Variants in UGT1A4 observed in about 807,000 individuals in gnomAD.
UGT1A4 encodes the protein UDP glucuronosyltransferase family 1 member A4.
A neutral mutation model predicts 41.1 loss-of-function variants in UGT1A4; 32 were observed. The observed-to-expected ratio is 0.78, with a 90% CI of 0.59 to 1.05. The LOEUF (loss-of-function observed/expected upper bound fraction) is 1.05, where lower values mean the gene tolerates loss of function less well. UGT1A4 is among the 50% of genes least tolerant of loss of function. UGT1A4 has a pLI of 0.00. For synonymous variants in UGT1A4, 283 were observed against 265.1 expected, an observed-to-expected ratio of 1.07 and a Z score of -0.66; for missense variants, 748 against 677.4, an observed-to-expected ratio of 1.10 and a Z score of -1.16.
chr2:233,732,433 A>G (rs1308918063), intron 1 of UGT1A4, among the ~76,000 whole-genome samples: 1 of 152,164 alleles, frequency 6.6e-6, no homozygotes, highest in African/African-American at 2.4e-5. Flanking sequence ...TAGGATTTTT[A>G]TGGTTTTAGG....
chr2:233,732,886 T>C lies in UGT1A4; in HGVS notation c.867+13199T>C, dbSNP rs572448291. On this transcript the variant is annotated intron_variant, in intron 1 of 4. Coordinates refer to ENST00000373409, the MANE Select transcript of UGT1A4 (RefSeq NM_007120.3). ...CTTGATGGGTTTGGCATTGAATCTATAAATTACCTTGGGCAGTATGGCCAT... is the reference window on the plus strand; with the variant it reads ...CTTGATGGGTTTGGCATTGAATCTACAAATTACCTTGGGCAGTATGGCCAT... Among the ~76,000 whole-genome samples, 466 of 152,210 alleles carry C rather than the reference T, an allele frequency of 3.1e-3. 4 individuals are homozygous for C. The highest frequency in any genetic ancestry group is 0.011 in the African/African-American group (443 of 41,520).
intron 1 of UGT1A4, chr2:233,747,247 C>A: frequency 6.2e-7 from 1 of 1,601,894 alleles, no homozygotes; most frequent in Non-Finnish European, 8.5e-7. Flanking sequence ...CCTGCTGTGG[C>A]TGGCCACAGG....
chr2:233,727,875 C>T (rs1348465171), intron 1 of UGT1A4, among the ~76,000 whole-genome samples: 1 of 152,196 alleles, frequency 6.6e-6, no homozygotes, highest in Non-Finnish European at 1.5e-5. Flanking sequence ...CTCAGCCTCA[C>T]CAGCAATGGC....
intron 1 of UGT1A4, chr2:233,721,567 T>G (rs750626594): frequency 3.5e-4 from 56 of 162,222 alleles, no homozygotes; most frequent in Non-Finnish European, 4.6e-4. Context: ...TTCTGGGATA[T>G]CTTTTTCTTC....
intron 1 of UGT1A4, chr2:233,743,959 C>T (rs371517697): frequency 1.3e-4 from 174 of 1,333,872 alleles, no homozygotes; most frequent in Non-Finnish European, 1.7e-4. Flanking sequence ...GCACAGCGAG[C>T]GGCAAGGCTG....
chr2:233,761,183 A>G (rs753887460), intron 1 of UGT1A4: 42 of 1,614,074 alleles, frequency 2.6e-5, no homozygotes, highest in Non-Finnish European at 3.5e-5. Context: ...TTACATGCGT[A>G]TATTCTTTCA....
Position 233,768,074 on chromosome 2 carries a change from G to A in UGT1A4, c.1087+138G>A. ...CCTACATTGCTTTTTATCTAGTGGG[G>A]TATCTCAACCCACATTTTCTTCTGC... On this transcript the variant is annotated intron_variant, in intron 3 of 4. Transcript: ENST00000373409. The A allele has an allele frequency of 5.0e-6, 8 of 1,593,840 alleles. No homozygotes were observed. In the South Asian group the frequency reaches 5.6e-5, roughly 11 times the overall value.
chr2:233,749,918 CA>C (rs1168394820), intron 1 of UGT1A4, among the ~76,000 whole-genome samples: 1 of 151,918 alleles, frequency 6.6e-6, no homozygotes. Flanking sequence ...AACTGTGAGT[CA>C]ATTAAAGCTC....
intron 1 of UGT1A4, chr2:233,729,739 A>G (rs1185017331): frequency 1.9e-6 from 3 of 1,613,856 alleles, no homozygotes; most frequent in East Asian, 4.5e-5. Context: ...TTCAGACCAC[A>G]TGACATTCAT....
intron 4 of UGT1A4, chr2:233,771,063 C>A (rs913473960): frequency 6.6e-6 from 1 of 152,106 alleles, no homozygotes; most frequent in Non-Finnish European, 1.5e-5. Context: ...ATGACCGGCT[C>A]TCACAATAAC....
intron 1 of UGT1A4, among the ~76,000 whole-genome samples, chr2:233,720,871 ATTTTTT>A (rs60621337): frequency 7.5e-6 from 1 of 132,772 alleles, no homozygotes; most frequent in African/African-American, 2.9e-5. Flanking sequence ...GCTCCTGGCA[ATTTTTT>A]TTTTTTTTTT....
intron 1 of UGT1A4, among the ~76,000 whole-genome samples, chr2:233,720,190 G>A (rs1402744128): frequency 1.3e-5 from 2 of 152,210 alleles, no homozygotes; most frequent in Non-Finnish European, 2.9e-5. Context: ...TTGAGTGGAA[G>A]TGGGGCTGTG....
intron 1 of UGT1A4, among the ~76,000 whole-genome samples, chr2:233,752,840 A>G (rs1357477181): frequency 6.6e-6 from 1 of 152,242 alleles, no homozygotes; most frequent in African/African-American, 2.4e-5. Flanking sequence ...AATCTAGGAT[A>G]TATCAAAATT....
chr2:233,755,031 C>A (rs758383518), intron 1 of UGT1A4: 1 of 1,312,808 alleles, frequency 7.6e-7, no homozygotes, highest in East Asian at 4.6e-5. Flanking sequence ...GAAGGGCCTG[C>A]CGCCTGCGCA....
intron 1 of UGT1A4, among the ~76,000 whole-genome samples, chr2:233,720,310 T>C (rs1232996751): frequency 6.6e-6 from 1 of 152,138 alleles, no homozygotes; most frequent in Non-Finnish European, 1.5e-5. Context: ...GTCTGGTGTA[T>C]GATGTGGGGA....
chr2:233,735,275 T>G (rs968370538), intron 1 of UGT1A4, among the ~76,000 whole-genome samples: 2 of 152,218 alleles, frequency 1.3e-5, no homozygotes, highest in Non-Finnish European at 2.9e-5. Context: ...GTAATGGCCT[T>G]CTTTGTCTCT....
intron 1 of UGT1A4, among the ~76,000 whole-genome samples, chr2:233,758,370 T>C (rs1198211865): frequency 6.6e-6 from 1 of 152,206 alleles, no homozygotes; most frequent in Non-Finnish European, 1.5e-5. Context: ...ATAAAATCAT[T>C]ACAGTGGTGA....
chr2:233,763,843 G>A (rs1698410988), intron 1 of UGT1A4, among the ~76,000 whole-genome samples: 1 of 152,204 alleles, frequency 6.6e-6, no homozygotes, highest in Non-Finnish European at 1.5e-5. Context: ...GGGTAAGATA[G>A]CAGTGGTTCA....
chr2:233,758,057 A>G (rs1435615594), intron 1 of UGT1A4, among the ~76,000 whole-genome samples: 1 of 151,980 alleles, frequency 6.6e-6, no homozygotes, highest in Non-Finnish European at 1.5e-5. Context: ...ACCATTTCTA[A>G]CTTGACTTTC....
Sources: allele counts gnomAD v4.1 joint callset (sites outside exome capture counted in the v4.1 genomes callset), GRCh38; gene constraint gnomAD v4.1.1; transcripts MANE v1.5; gene names NCBI Gene and HGNC (gene_info 2026-07-23, HGNC 2026-07-21).